The following FAM13A variants were observed in gnomAD, a reference collection of about 807,000 sequenced individuals.
FAM13A encodes family with sequence similarity 13 member A, also known as protein FAM13A.
A neutral mutation model predicts 129.6 loss-of-function variants in FAM13A; 76 were observed. The ratio of observed to expected loss-of-function variants is 0.59; its 90% CI spans 0.49 to 0.71. FAM13A has a LOEUF of 0.71. Among genes scored for constraint, FAM13A ranks in the 30% least tolerant of loss-of-function variants. The probability of loss-of-function intolerance (pLI) is 0.00; values close to 1 mark genes in which losing one functional copy is unlikely to be tolerated. For synonymous variants in FAM13A, 443 were observed against 449.9 expected, an observed-to-expected ratio of 0.98 and a Z score of 0.20; for missense variants, 1,108 against 1,249.3, an observed-to-expected ratio of 0.89 and a Z score of 1.70.
chr4:88,899,628 C>CT (rs1746936631), intron 6 of FAM13A, among the ~76,000 whole-genome samples: 1 of 151,990 alleles, frequency 6.6e-6, no homozygotes, highest in African/African-American at 2.4e-5. Flanking sequence ...AATACAATTA[C>CT]TTTTCTGGGT....
At chr4:88,882,544 C>T (rs78366141) in intron 6 of FAM13A, among the ~76,000 whole-genome samples, 32 of 151,328 alleles carry the variant, frequency 2.1e-4, no homozygotes, top group African/African-American at 7.8e-4. Flanking sequence ...AATATACCAA[C>T]ATAGAACCTC....
intron 3 of FAM13A, among the ~76,000 whole-genome samples, chr4:88,997,614 C>T (rs1190118854): frequency 6.6e-6 from 1 of 151,906 alleles, no homozygotes; most frequent in Non-Finnish European, 1.5e-5. Flanking sequence ...CAAGATATAT[C>T]ACAGAATGGC....
rs751309522 is a variant in FAM13A, at chr4:88,787,871, C to A, written c.1153G>T (p.Gly385Ter). The stretch of plus-strand genomic sequence containing the variant: ...TCTGAGTCCTCTGAACTTTGACCTC[C>A]AGAGTTATTAACATCAAAAAGATGT... ...EQHLFDVNNS[G>*]GQSSEDSESG... Residue 385 changes from glycine to a stop codon, truncating the protein, a stop_gained, in exon 10 of 24, where the codon GGA (glycine) becomes TGA (stop). Transcript: ENST00000264344. LOFTEE classifies it high-confidence loss of function. 4 of 1,613,538 alleles carry A rather than the reference C, an allele frequency of 2.5e-6. No individual in the cohort carries two copies. Among genetic ancestry groups the A allele is most frequent in the Non-Finnish European group, 3.4e-6 (4 of 1,179,674 alleles).
chr4:89,016,826 G>A (rs751741238), intron 3 of FAM13A, among the ~76,000 whole-genome samples: 7 of 152,062 alleles, frequency 4.6e-5, no homozygotes, highest in Non-Finnish European at 7.4e-5. Flanking sequence ...GTAGAGATGC[G>A]GTTTTGCCAT....
At chr4:89,015,105 C>T (rs1376322857) in intron 3 of FAM13A, among the ~76,000 whole-genome samples, 1 of 152,162 alleles carries the variant, frequency 6.6e-6, no homozygotes, top group Admixed American at 6.5e-5. Flanking sequence ...CCCTGGTCTC[C>T]TGTAGCGCTC....
chr4:88,862,518 C>A (rs1334942086), intron 6 of FAM13A, among the ~76,000 whole-genome samples: 2 of 152,120 alleles, frequency 1.3e-5, no homozygotes, highest in African/African-American at 4.8e-5. Flanking sequence ...GGCAACAAAG[C>A]ATTTTATAAC....
At chr4:88,932,065 T>C (rs1753118328) in intron 5 of FAM13A, among the ~76,000 whole-genome samples, 1 of 152,114 alleles carries the variant, frequency 6.6e-6, no homozygotes, top group African/African-American at 2.4e-5. Context: ...AAGAACAGAG[T>C]TCAACTACTT....
intron 10 of FAM13A, among the ~76,000 whole-genome samples, chr4:88,785,243 A>G (rs1456880201): frequency 6.6e-6 from 1 of 152,148 alleles, no homozygotes; most frequent in Non-Finnish European, 1.5e-5. Context: ...ACACTTTTTA[A>G]CCACTTCATA....
chr4:89,032,839 G>A (rs1209650452), intron 1 of FAM13A, among the ~76,000 whole-genome samples: 1 of 152,136 alleles, frequency 6.6e-6, no homozygotes, highest in African/African-American at 2.4e-5. Context: ...GAAAGACAGG[G>A]CTCAGTCTCT....
intron 1 of FAM13A, among the ~76,000 whole-genome samples, chr4:89,032,539 C>G (rs1291610889): frequency 6.6e-6 from 1 of 152,128 alleles, no homozygotes; most frequent in Non-Finnish European, 1.5e-5. Flanking sequence ...ATTGTGGTTT[C>G]AGTCAAAAAG....
intron 6 of FAM13A, among the ~76,000 whole-genome samples, chr4:88,892,831 C>T (rs982754780): frequency 1.5e-4 from 23 of 152,010 alleles, no homozygotes; most frequent in African/African-American, 5.5e-4. Context: ...ATAAACAATG[C>T]TCATTATTTT....
chr4:88,859,713 C>T (rs982845256), intron 6 of FAM13A, among the ~76,000 whole-genome samples: 1 of 152,102 alleles, frequency 6.6e-6, no homozygotes, highest in African/African-American at 2.4e-5. Context: ...AGCTTAGTTG[C>T]GTGGGTTTCA....
At chr4:88,802,701 C>T (rs1354522950) in intron 8 of FAM13A, among the ~76,000 whole-genome samples, 1 of 152,156 alleles carries the variant, frequency 6.6e-6, no homozygotes, top group Non-Finnish European at 1.5e-5. Flanking sequence ...TTTCTTCTCC[C>T]CTAGCCACAG....
chr4:88,753,934 A>C (rs1186943996), intron 14 of FAM13A, among the ~76,000 whole-genome samples: 1 of 152,194 alleles, frequency 6.6e-6, no homozygotes, highest in Non-Finnish European at 1.5e-5. Context: ...CCCAATTGCT[A>C]CTTTGGGAAA....
intron 3 of FAM13A, among the ~76,000 whole-genome samples, chr4:89,006,969 T>G (rs1032322472): frequency 6.6e-6 from 1 of 152,094 alleles, no homozygotes; most frequent in Admixed American, 6.5e-5. Flanking sequence ...GGGGTTCATA[T>G]GGGCACAGGA....
intron 7 of FAM13A, among the ~76,000 whole-genome samples, chr4:88,814,438 T>G (rs1438139901): frequency 6.6e-6 from 1 of 152,024 alleles, no homozygotes; most frequent in Admixed American, 6.6e-5. Flanking sequence ...ATGGGAGAAT[T>G]AATAACTCGG....
At chr4:88,866,452 T>C (rs1740463900) in intron 6 of FAM13A, among the ~76,000 whole-genome samples, 1 of 152,206 alleles carries the variant, frequency 6.6e-6, no homozygotes, top group Admixed American at 6.5e-5. Flanking sequence ...AGTTCTGGGA[T>C]TATAGGCGTG....
In FAM13A at chr4:88,794,093, AT is replaced by A. The variant is rs543510560; in HGVS notation, c.1050-3467del. 3.7e-3 allele frequency among the ~76,000 whole-genome samples: 567 copies of A among 151,928 alleles called. 2 individuals are homozygous for A. The highest frequency in any genetic ancestry group is 0.013 in the African/African-American group (539 of 41,498). ...CTCTTCGGAGAGCTAAGAATAATGA[AT>A]TTTTTTTCAGCGTCTTTGACTGATT... On this transcript the variant is annotated intron_variant, in intron 8 of 23. Coordinates refer to ENST00000264344, the MANE Select transcript of FAM13A (RefSeq NM_014883.4).
At position 88,747,852 on chromosome 4, in the gene FAM13A, C is replaced by A. The variant is rs759780141; in HGVS notation, c.2162-1G>T. On this transcript the variant is annotated splice_acceptor_variant, in intron 17 of 23. Transcript: ENST00000264344. LOFTEE classifies it high-confidence loss of function. ...TCTTCAGATATCTTTAGTTTTGATT[C>A]TAGTTGAGAAGATTTGGGGGTAAAG... The A allele has an allele frequency of 6.2e-7, 1 of 1,601,188 alleles. No homozygotes were observed. Among genetic ancestry groups the A allele is most frequent in the Non-Finnish European group, 8.6e-7 (1 of 1,169,160 alleles).
Sources: allele counts gnomAD v4.1 joint callset (sites outside exome capture counted in the v4.1 genomes callset), GRCh38; gene constraint gnomAD v4.1.1; transcripts MANE v1.5; gene names NCBI Gene and HGNC (gene_info 2026-07-23, HGNC 2026-07-21).